Variants in DESI2 observed in about 807,000 individuals in gnomAD.
DESI2 encodes deubiquitinase DESI2.
Under a neutral mutation model 24.1 loss-of-function variants are expected in DESI2, and 10 were observed. That is an observed-to-expected ratio of 0.41 (90% CI 0.26 to 0.70). The LOEUF (loss-of-function observed/expected upper bound fraction) is 0.70, where lower values mean the gene tolerates loss of function less well. Among genes scored for constraint, DESI2 ranks in the 30% least tolerant of loss-of-function variants. The pLI is 0.29. For missense variants in DESI2, 122 were observed against 234.9 expected (o/e 0.52, Z 3.14); for synonymous variants, 71 against 87.7 (o/e 0.81, Z 1.06).
chr1:244,703,000 CTTTTTT>C (rs72210181), intron 4 of DESI2, among the ~76,000 whole-genome samples: 1 of 131,638 alleles, frequency 7.6e-6, no homozygotes, highest in African/African-American at 2.9e-5. Flanking sequence ...TTTGCCAGCG[CTTTTTT>C]TTTTTTTTTT....
At chr1:244,701,732 T>G (rs1357201812) in intron 4 of DESI2, among the ~76,000 whole-genome samples, 1 of 152,254 alleles carries the variant, frequency 6.6e-6, no homozygotes, top group East Asian at 1.9e-4. Flanking sequence ...CTATATATGC[T>G]TTTCTCCATT....
intron 4 of DESI2, among the ~76,000 whole-genome samples, chr1:244,694,956 T>A (rs1159555438): frequency 6.6e-6 from 1 of 152,220 alleles, no homozygotes; most frequent in Non-Finnish European, 1.5e-5. Context: ...GCTAAGTGGC[T>A]TAAACATTGA....
chr1:244,700,469 G>GT (rs1558669260), intron 4 of DESI2, among the ~76,000 whole-genome samples: 7 of 152,010 alleles, frequency 4.6e-5, no homozygotes, highest in Admixed American at 3.9e-4. Context: ...CTTCTACAGC[G>GT]TTTTGTTATC....
intron 1 of DESI2, among the ~76,000 whole-genome samples, chr1:244,663,182 G>GA (rs1233629353): frequency 6.8e-6 from 1 of 147,088 alleles, no homozygotes; most frequent in Non-Finnish European, 1.5e-5. Context: ...TTAACTTGCA[G>GA]TTTTTTTTTT....
chr1:244,703,382 A>G (rs1369728813), intron 4 of DESI2, among the ~76,000 whole-genome samples: 1 of 149,376 alleles, frequency 6.7e-6, no homozygotes, highest in Admixed American at 6.6e-5. Context: ...TTGAGATGGA[A>G]TCTCACTTTG....
intron 1 of DESI2, among the ~76,000 whole-genome samples, chr1:244,670,430 C>G (rs1185856402): frequency 6.6e-6 from 1 of 152,212 alleles, no homozygotes; most frequent in Non-Finnish European, 1.5e-5. Context: ...CACATGCATA[C>G]AATCTTCCCC....
In DESI2 at chr1:244,689,109, T is replaced by G; in HGVS notation, c.116-140T>G. The G allele has an allele frequency of 1.6e-6, 1 of 636,420 alleles. No individual in the cohort carries two copies. The highest frequency in any genetic ancestry group is 2.0e-5 in the South Asian group (1 of 49,912). 39.4% of individuals were successfully genotyped at this position (636,420 alleles called of 1,614,324 possible). On this transcript the variant is annotated intron_variant, in intron 2 of 4. Transcript: ENST00000302550. This position sits in a 1 kb window ranked among gnomAD's most constrained non-coding sequence, Gnocchi z 4.0. ...ACTGTTTATACGAGTAATAGCTAAGTGAGATATTTGTGAAAGCATTTTATA... is the reference window on the plus strand; with the variant it reads ...ACTGTTTATACGAGTAATAGCTAAGGGAGATATTTGTGAAAGCATTTTATA...
intron 2 of DESI2, among the ~76,000 whole-genome samples, chr1:244,687,134 A>G (rs1256637167): frequency 6.6e-5 from 10 of 152,240 alleles, no homozygotes; most frequent in Non-Finnish European, 1.5e-5. Flanking sequence ...TTGTAGACCT[A>G]TACGTCTTAT....
rs1401563940 is a variant in DESI2 at position 244,705,893 on chromosome 1, C to G, written c.*104C>G. ...TTAGATATTTTGTATGCAAAGATGG[C>G]TCTCCCCCAAATCCCAGTTTTTCAG... On this transcript the variant is annotated 3_prime_UTR_variant, in exon 5 of 5. Transcript: ENST00000302550. 2.5e-6 allele frequency: 2 copies of G among 811,924 alleles called. No homozygotes were observed. The highest frequency in any genetic ancestry group is 3.8e-6 in the Non-Finnish European group (2 of 525,232). 50.3% of individuals were successfully genotyped at this position (811,924 alleles called of 1,614,324 possible).
chr1:244,681,841 G>A (rs911467734), intron 1 of DESI2, among the ~76,000 whole-genome samples: 3 of 152,092 alleles, frequency 2.0e-5, no homozygotes, highest in Non-Finnish European at 4.4e-5. Context: ...GTTTGACTTC[G>A]GTTTTGAGGT....
In DESI2 at chr1:244,707,395, C is replaced by T. The variant is rs1044634557; in HGVS notation, c.*1606C>T. 1.3e-5 allele frequency: 2 copies of T among 152,556 alleles called. No individual in the cohort carries two copies. The highest frequency in any genetic ancestry group is 4.8e-5 in the African/African-American group (2 of 41,408). 9.5% of individuals were successfully genotyped at this position (152,556 alleles called of 1,614,324 possible). On this transcript the variant is annotated 3_prime_UTR_variant, in exon 5 of 5. Coordinates refer to ENST00000302550, the MANE Select transcript of DESI2 (RefSeq NM_016076.5). Reference sequence around the variant, plus strand: ...AGCCACTTAACCTAATTTATGCTTTCGACTGTTCTGTTTCCAGAGAGGAAA... The same window carrying T: ...AGCCACTTAACCTAATTTATGCTTTTGACTGTTCTGTTTCCAGAGAGGAAA...
chr1:244,680,413 G>A (rs1676567219), intron 1 of DESI2, among the ~76,000 whole-genome samples: 1 of 151,380 alleles, frequency 6.6e-6, no homozygotes, highest in Non-Finnish European at 1.5e-5. Context: ...CTGGGCAACA[G>A]AGCCAAACCC....
rs1677713269 is a variant in DESI2 at position 244,706,483 on chromosome 1, T to C, written c.*694T>C. On this transcript the variant is annotated 3_prime_UTR_variant, in exon 5 of 5. Coordinates refer to ENST00000302550, the MANE Select transcript of DESI2 (RefSeq NM_016076.5). ...AGGCGGGGTGGTATGTTCTTACGTC[T>C]CTCTGACTTTGATGCCACTCATTCT... 1 of 152,678 alleles carries C rather than the reference T, an allele frequency of 6.5e-6. No homozygotes were observed. Among genetic ancestry groups the C allele is most frequent in the Admixed American group, 6.5e-5 (1 of 15,284 alleles). The allele number at this position is 152,678 out of a possible 1,614,324, so 9.5% of individuals were successfully genotyped here.
rs1286655087 is a variant in DESI2, at chr1:244,689,371, C to T, written c.209+29C>T. ...AGTAGGGAGGATAATTTTTATTACA[C>T]TGTCTTAGGTGCCATAGCTTGTTTT... On this transcript the variant is annotated intron_variant, in intron 3 of 4. Coordinates refer to ENST00000302550, the MANE Select transcript of DESI2 (RefSeq NM_016076.5). The surrounding 1 kb of genome is among the most constrained non-coding windows in gnomAD (Gnocchi z 4.0). 1 of 1,060,900 alleles carries T rather than the reference C, an allele frequency of 9.4e-7. No individual in the cohort carries two copies. Among genetic ancestry groups the T allele is most frequent in the Admixed American group, 1.7e-5 (1 of 58,516 alleles). The allele number at this position is 1,060,900 out of a possible 1,614,324, so 65.7% of individuals were successfully genotyped here.
At chr1:244,686,533 T>G (rs533617125) in intron 1 of DESI2, 64 bp from the exon 2 acceptor site, 1 of 1,015,644 alleles carries the variant, frequency 9.8e-7, no homozygotes, top group Admixed American at 1.7e-5. Context: ...CAGTCACTTC[T>G]GTAGCGCGGA....
At chr1:244,688,325 A>G (rs957411279) in intron 2 of DESI2, among the ~76,000 whole-genome samples, 4 of 152,342 alleles carry the variant, frequency 2.6e-5, no homozygotes, top group Admixed American at 6.5e-5. Context: ...TGTCACTAAA[A>G]AACTTTAAAA....
At position 244,705,858 on chromosome 1, in the gene DESI2, G is replaced by A; in HGVS notation, c.*69G>A. ...ATATCACTAGAGAAAAGTAAACAGA[G>A]AAGCATCCTTTAGATATTTTGTATG... On this transcript the variant is annotated 3_prime_UTR_variant, in exon 5 of 5. Coordinates refer to ENST00000302550, the MANE Select transcript of DESI2 (RefSeq NM_016076.5). 1.8e-6 allele frequency: 2 copies of A among 1,112,282 alleles called. No individual in the cohort carries two copies. The highest frequency in any genetic ancestry group is 2.6e-6 in the Non-Finnish European group (2 of 771,456). The allele number at this position is 1,112,282 out of a possible 1,614,324, so 68.9% of individuals were successfully genotyped here.
intron 4 of DESI2, among the ~76,000 whole-genome samples, chr1:244,702,370 C>T (rs373055668): frequency 1.3e-5 from 2 of 152,060 alleles, no homozygotes; most frequent in Admixed American, 1.3e-4. Context: ...AAAAGTTAGC[C>T]AGGTGTGGTG....
intron 1 of DESI2, chr1:244,653,571 C>A: frequency 1.9e-6 from 1 of 540,246 alleles, no homozygotes; most frequent in Non-Finnish European, 3.2e-6. Flanking sequence ...GGGTTTTGGC[C>A]AAAGCTCGGG....
Sources: allele counts gnomAD v4.1 joint callset (sites outside exome capture counted in the v4.1 genomes callset), GRCh38; gene constraint gnomAD v4.1.1; non-coding constraint Gnocchi (gnomAD v3.1); transcripts MANE v1.5; gene names NCBI Gene and HGNC (gene_info 2026-07-23, HGNC 2026-07-21).